Variants in TMEM117 observed in about 807,000 individuals in gnomAD.
TMEM117 encodes the protein transmembrane protein 117.
TMEM117 carries 27 observed loss-of-function variants against 52.4 expected under a neutral mutation model. That is an observed-to-expected ratio of 0.51 (90% CI 0.38 to 0.71). TMEM117 has a LOEUF of 0.71. TMEM117 is among the 30% of genes least tolerant of loss of function. TMEM117 has a pLI of 0.00. For missense variants in TMEM117, 556 were observed against 630.5 expected (o/e 0.88, Z 1.26); for synonymous variants, 215 against 206.3 (o/e 1.04, Z -0.36).
chr12:44,114,227 C>T (rs960080441), intron 3 of TMEM117, among the ~76,000 whole-genome samples: 1 of 152,098 alleles, frequency 6.6e-6, no homozygotes, highest in Non-Finnish European at 1.5e-5. Context: ...CATCTTGGCT[C>T]CTCCTCCGTA....
chr12:44,060,658 A>G (rs1462221934), intron 3 of TMEM117, among the ~76,000 whole-genome samples: 1 of 152,202 alleles, frequency 6.6e-6, no homozygotes, highest in Non-Finnish European at 1.5e-5. Flanking sequence ...GGTTTCAGAC[A>G]CAAGATTTAT....
At chr12:44,182,493 A>G (rs1949216546) in intron 4 of TMEM117, among the ~76,000 whole-genome samples, 1 of 152,186 alleles carries the variant, frequency 6.6e-6, no homozygotes, top group Non-Finnish European at 1.5e-5. Context: ...CCTTTGACAA[A>G]ATTCAACAAC....
chr12:44,371,871 G>C (rs1411048877), intron 6 of TMEM117, among the ~76,000 whole-genome samples: 1 of 152,116 alleles, frequency 6.6e-6, no homozygotes, highest in Non-Finnish European at 1.5e-5. Flanking sequence ...CATTGCATAG[G>C]CAAAAGTAAA....
At chr12:44,037,805 G>T (rs75562290) in intron 3 of TMEM117, among the ~76,000 whole-genome samples, 1 of 151,938 alleles carries the variant, frequency 6.6e-6, no homozygotes, top group Admixed American at 6.5e-5. Flanking sequence ...TTGGGCAGAC[G>T]TCAGGACTAC....
At chr12:44,130,755 T>A (rs11830768) in intron 3 of TMEM117, among the ~76,000 whole-genome samples, 11,811 of 152,126 alleles carry the variant, frequency 0.078, 1,386 homozygotes, top group African/African-American at 0.26. Flanking sequence ...AATTTGTAAA[T>A]GTTTTTTTTT....
chr12:44,259,601 T>C (rs1028381797), intron 5 of TMEM117, among the ~76,000 whole-genome samples: 1 of 152,130 alleles, frequency 6.6e-6, no homozygotes, highest in Non-Finnish European at 1.5e-5. Flanking sequence ...CCAACCTTAG[T>C]AGGTAATTAA....
rs143556477 is a variant in TMEM117 at position 44,246,647 on chromosome 12, G to A, written c.608+35260G>A. 4.4e-3 allele frequency among the ~76,000 whole-genome samples: 671 copies of A among 152,120 alleles called. 5 individuals are homozygous for A. The highest frequency in any genetic ancestry group is 0.015 in the African/African-American group (624 of 41,494). On this transcript the variant is annotated intron_variant, in intron 5 of 7. Transcript: ENST00000266534. ...TAATATATACACAAACTCAATTAGCGTCCAGGTCAGTCAGTGGAAAGGCAT... is the reference window on the plus strand; with the variant it reads ...TAATATATACACAAACTCAATTAGCATCCAGGTCAGTCAGTGGAAAGGCAT...
At chr12:43,961,844 A>G (rs532965050) in intron 3 of TMEM117, among the ~76,000 whole-genome samples, 198 of 152,248 alleles carry the variant, frequency 1.3e-3, no homozygotes, top group African/African-American at 4.5e-3. Context: ...CTTTCTAGTC[A>G]TGGAAAATTG....
At chr12:43,902,509 C>A (rs1320153839) in intron 2 of TMEM117, among the ~76,000 whole-genome samples, 1 of 152,148 alleles carries the variant, frequency 6.6e-6, no homozygotes, top group Admixed American at 6.6e-5. Context: ...AAGTTCCCTT[C>A]TCGTGAGGAT....
intron 3 of TMEM117, among the ~76,000 whole-genome samples, chr12:44,115,419 G>A (rs1948123548): frequency 6.6e-6 from 1 of 152,138 alleles, no homozygotes; most frequent in South Asian, 2.1e-4. Context: ...TACCAAACCT[G>A]CACGTTATAC....
intron 2 of TMEM117, among the ~76,000 whole-genome samples, chr12:43,924,107 G>A (rs1419604848): frequency 6.6e-6 from 1 of 152,140 alleles, no homozygotes; most frequent in Non-Finnish European, 1.5e-5. Flanking sequence ...AAATGGCACT[G>A]TGAATCTTAA....
At chr12:44,083,484 C>G (rs574663098) in intron 3 of TMEM117, 1 of 149,984 alleles carries the variant, frequency 6.7e-6, no homozygotes, top group Non-Finnish European at 1.5e-5. Context: ...TCACTGCAAC[C>G]TCCACTTCCT....
At chr12:44,212,334 T>C (rs572435062) in intron 5 of TMEM117, among the ~76,000 whole-genome samples, 11 of 152,164 alleles carry the variant, frequency 7.2e-5, no homozygotes, top group East Asian at 1.9e-4. Flanking sequence ...ATCTCACTTA[T>C]CAGATCTATT....
At chr12:43,944,123 A>T (rs1565762063) in intron 2 of TMEM117, 87 bp from the exon 3 acceptor site, 2 of 1,162,960 alleles carry the variant, frequency 1.7e-6, no homozygotes, top group Non-Finnish European at 2.4e-6. Flanking sequence ...ATATAGTGAG[A>T]CATTAAAAGA....
At chr12:44,233,551 G>A (rs1949958287) in intron 5 of TMEM117, among the ~76,000 whole-genome samples, 1 of 151,100 alleles carries the variant, frequency 6.6e-6, no homozygotes, top group Admixed American at 6.6e-5. Flanking sequence ...AATATGTATG[G>A]CACTGACATG....
At chr12:43,824,983 A>G in the TMEM117 span, among the ~76,000 whole-genome samples, 8 of 152,320 alleles carry the variant, frequency 5.3e-5, no homozygotes, top group African/African-American at 1.9e-4. Flanking sequence ...AGGGTGCACT[A>G]TAGTCCCCAA....
At chr12:43,799,522 T>A in the TMEM117 span, 14 of 1,386,854 alleles carry the variant, frequency 1.0e-5, no homozygotes, top group African/African-American at 1.9e-4. Flanking sequence ...CAGAATAGAC[T>A]ATAATCAGTA....
intron 2 of TMEM117, among the ~76,000 whole-genome samples, chr12:43,933,840 C>T (rs374695421): frequency 1.3e-5 from 2 of 152,194 alleles, no homozygotes; most frequent in African/African-American, 2.4e-5. Flanking sequence ...GGATTGCAGG[C>T]GTGAGCCACC....
intron 4 of TMEM117, among the ~76,000 whole-genome samples, chr12:44,179,882 T>C (rs942300998): frequency 2.0e-5 from 3 of 152,314 alleles, no homozygotes; most frequent in African/African-American, 7.2e-5. Context: ...CAACAATTCA[T>C]TGTGGGCTGT....
Sources: allele counts gnomAD v4.1 joint callset (sites outside exome capture counted in the v4.1 genomes callset), GRCh38; gene constraint gnomAD v4.1.1; transcripts MANE v1.5; gene names NCBI Gene and HGNC (gene_info 2026-07-23, HGNC 2026-07-21).